The following ADGRL4 variants were observed in gnomAD, a reference collection of about 807,000 sequenced individuals.
ADGRL4 encodes the protein EGF, latrophilin and seven transmembrane domain containing 1.
In ADGRL4, 90 loss-of-function variants were observed where a neutral mutation model predicts 74.8. The ratio of observed to expected loss-of-function variants is 1.20; its 90% confidence interval spans 1.02 to 1.43. The LOEUF (loss-of-function observed/expected upper bound fraction) is 1.43, where lower values mean the gene tolerates loss of function less well. Ranked by LOEUF, ADGRL4 falls within the 40% of genes most tolerant of loss-of-function variation. ADGRL4 has a pLI of 0.00. For synonymous variants in ADGRL4, 311 were observed against 279.2 expected (o/e 1.11, Z -1.14); for missense variants, 881 against 814.3 (o/e 1.08, Z -1.00).
At chr1:78,991,902 A>T (rs1297609273) in intron 2 of ADGRL4, among the ~76,000 whole-genome samples, 2 of 152,064 alleles carry the variant, frequency 1.3e-5, no homozygotes, top group Non-Finnish European at 2.9e-5. Context: ...CCTAGTCAAT[A>T]CACATTGCCA....
intron 2 of ADGRL4, among the ~76,000 whole-genome samples, chr1:79,002,144 G>A (rs1419971705): frequency 6.6e-6 from 1 of 152,018 alleles, no homozygotes; most frequent in African/African-American, 2.4e-5. Flanking sequence ...TAAGATAAAT[G>A]CATGAAAATT....
At chr1:78,899,670 T>C (rs537630089) in intron 12 of ADGRL4, among the ~76,000 whole-genome samples, 1 of 152,294 alleles carries the variant, frequency 6.6e-6, no homozygotes, top group Admixed American at 6.5e-5. Flanking sequence ...TAGTTATTAA[T>C]TTAAGCATCA....
chr1:78,951,003 T>C (rs1245744832), intron 2 of ADGRL4, among the ~76,000 whole-genome samples: 1 of 152,178 alleles, frequency 6.6e-6, no homozygotes, highest in Non-Finnish European at 1.5e-5. Flanking sequence ...ATGAATTGTC[T>C]ATTCATGAGA....
chr1:78,913,156 G>T (rs1648798138), intron 12 of ADGRL4, among the ~76,000 whole-genome samples: 1 of 151,810 alleles, frequency 6.6e-6, no homozygotes, highest in Admixed American at 6.6e-5. Flanking sequence ...GGTGAAGTTG[G>T]GGAGAAAAAG....
intron 2 of ADGRL4, among the ~76,000 whole-genome samples, chr1:78,968,053 A>G (rs74549459): frequency 0.12 from 18,181 of 152,124 alleles, 1,459 homozygotes; most frequent in East Asian, 0.25. Context: ...GATTGCCAAA[A>G]TGATGTTCAA....
At chr1:78,943,677 T>G (rs1251385606) in intron 3 of ADGRL4, among the ~76,000 whole-genome samples, 1 of 152,156 alleles carries the variant, frequency 6.6e-6, no homozygotes, top group Admixed American at 6.5e-5. Flanking sequence ...GGGAGTAGAT[T>G]TATGTTTCTC....
chr1:78,971,975 C>T (rs1395907616), intron 2 of ADGRL4, among the ~76,000 whole-genome samples: 1 of 152,082 alleles, frequency 6.6e-6, no homozygotes, highest in Admixed American at 6.6e-5. Context: ...GGCTGATCTC[C>T]AACTCCTGAC....
At chr1:78,918,808 A>G (rs779483899) in intron 10 of ADGRL4, among the ~76,000 whole-genome samples, 4 of 151,918 alleles carry the variant, frequency 2.6e-5, no homozygotes, top group Non-Finnish European at 5.9e-5. Flanking sequence ...GACATAGTAA[A>G]ATATGTTAGA....
intron 2 of ADGRL4, among the ~76,000 whole-genome samples, chr1:78,961,244 G>A (rs1489964121): frequency 6.6e-6 from 1 of 152,052 alleles, no homozygotes; most frequent in East Asian, 1.9e-4. Flanking sequence ...ATGGGTTCAA[G>A]CGATTCTCCT....
At chr1:78,945,177 A>AATAT (rs36107474) in intron 3 of ADGRL4, among the ~76,000 whole-genome samples, 1,294 of 127,832 alleles carry the variant, frequency 0.01, 11 homozygotes, top group African/African-American at 0.012. Flanking sequence ...AAAAAAAAAA[A>AATAT]ATATATATAT....
intron 2 of ADGRL4, among the ~76,000 whole-genome samples, chr1:78,956,625 C>T (rs1649835280): frequency 6.6e-6 from 1 of 152,084 alleles, no homozygotes; most frequent in South Asian, 2.1e-4. Flanking sequence ...AACCAGGTTG[C>T]TCAAATATTA....
rs186942842 is a variant in ADGRL4, at chr1:78,997,016, G to A, written c.172+8054C>T. On this transcript the variant is annotated intron_variant, in intron 2 of 14. Coordinates refer to ENST00000370742, the MANE Select transcript of ADGRL4 (RefSeq NM_022159.4). ...AGAGGTTCTGCAACAATGATTAGCAGGTATGGACTCCATTACTGCATTAAT... is the reference window on the plus strand; with the variant it reads ...AGAGGTTCTGCAACAATGATTAGCAAGTATGGACTCCATTACTGCATTAAT... Among the ~76,000 whole-genome samples, 512 of 152,204 alleles carry A rather than the reference G, an allele frequency of 3.4e-3. 5 individuals are homozygous for A. The highest frequency in any genetic ancestry group is 0.012 in the African/African-American group (495 of 41,530).
intron 12 of ADGRL4, among the ~76,000 whole-genome samples, chr1:78,903,043 G>C (rs1303022135): frequency 1.3e-5 from 2 of 152,062 alleles, no homozygotes; most frequent in African/African-American, 4.8e-5. Flanking sequence ...AATTCCAGCT[G>C]ATATTTTCCC....
At chr1:79,006,177 C>G (rs191290244) in intron 1 of ADGRL4, among the ~76,000 whole-genome samples, 6 of 152,314 alleles carry the variant, frequency 3.9e-5, no homozygotes, top group African/African-American at 1.4e-4. Context: ...CTTAAGTATT[C>G]TGTTCTAAAT....
chr1:78,979,094 C>T (rs999482446), intron 2 of ADGRL4, among the ~76,000 whole-genome samples: 14 of 152,026 alleles, frequency 9.2e-5, no homozygotes, highest in East Asian at 3.9e-4. Flanking sequence ...CTCCCTAATG[C>T]GGCTGGCCTT....
chr1:78,946,392 ACAGGACTG>A lies in ADGRL4; in HGVS notation c.199_206del (p.Gln67TrpfsTer5). 1 of 1,612,732 alleles carries A rather than the reference ACAGGACTG, an allele frequency of 6.2e-7. No individual in the cohort carries two copies. The highest frequency in any genetic ancestry group is 8.5e-7 in the Non-Finnish European group (1 of 1,179,304). On this transcript the variant is annotated frameshift_variant, in exon 3 of 15. Coordinates refer to ENST00000370742, the MANE Select transcript of ADGRL4 (RefSeq NM_022159.4). LOFTEE classifies it high-confidence loss of function. ...TGTTAGTGCAATTAGCATTTTCGCC[ACAGGACTG>A]AGTTAAATTTCCACATTCATTATCA...
intron 2 of ADGRL4, among the ~76,000 whole-genome samples, chr1:78,957,025 T>C (rs1649848509): frequency 6.6e-6 from 1 of 152,150 alleles, no homozygotes; most frequent in Admixed American, 6.6e-5. Flanking sequence ...CTATACTAGT[T>C]ATTGCAATAT....
chr1:78,993,665 C>T (rs907142023), intron 2 of ADGRL4, among the ~76,000 whole-genome samples: 7 of 151,624 alleles, frequency 4.6e-5, no homozygotes, highest in Admixed American at 2.0e-4. Flanking sequence ...ACCTCCTGGG[C>T]TCATGCCATT....
chr1:78,925,695 G>A (rs1255389589), intron 8 of ADGRL4, among the ~76,000 whole-genome samples: 1 of 151,988 alleles, frequency 6.6e-6, no homozygotes, highest in Non-Finnish European at 1.5e-5. Context: ...TGAGCAGAAA[G>A]GCAGATAAAA....
Sources: gnomAD v4.1 joint callset for allele counts (sites outside exome capture counted in the v4.1 genomes callset) on GRCh38, gnomAD v4.1.1 for gene constraint, MANE v1.5 for transcripts, NCBI Gene and HGNC (gene_info 2026-07-23, HGNC 2026-07-21) for gene names.